CYTH3: variants seen among roughly 807,000 people sequenced by gnomAD.
CYTH3 encodes the protein cytohesin 3, also known as cytohesin-3.
CYTH3 carries 23 observed loss-of-function variants against 55.1 expected under a neutral mutation model. That is an observed-to-expected ratio of 0.42 (90% CI 0.30 to 0.59). CYTH3 has a LOEUF of 0.59. Ranked by LOEUF, CYTH3 falls within the 20% of genes least tolerant of loss-of-function variation. CYTH3 has a pLI of 0.20. For synonymous variants in CYTH3, 249 were observed against 194.9 expected, an observed-to-expected ratio of 1.28 and a Z score of -2.31; for missense variants, 413 against 524.8, an observed-to-expected ratio of 0.79 and a Z score of 2.08.
chr7:6,255,126 C>T (rs899071868), intron 1 of CYTH3, among the ~76,000 whole-genome samples: 2 of 152,120 alleles, frequency 1.3e-5, no homozygotes, highest in African/African-American at 4.8e-5. Flanking sequence ...TAAATAATTT[C>T]ACTTCGGTTT....
rs1169174177 is a variant in CYTH3, at chr7:6,170,452, T to C, written c.823+83A>G. On this transcript the variant is annotated intron_variant, in intron 9 of 12. Coordinates refer to ENST00000350796, the MANE Select transcript of CYTH3 (RefSeq NM_004227.4). This position sits in a 1 kb window ranked among gnomAD's most constrained non-coding sequence, Gnocchi z 7.8. ...CTCTGCCTGCGGTGGGGGGCATTCC[T>C]ACGATGAGCCTGGGAGGAACCCGAG... 15 of 1,303,794 alleles carry C rather than the reference T, an allele frequency of 1.2e-5. No homozygotes were observed. Among genetic ancestry groups the C allele is most frequent in the Non-Finnish European group, 1.6e-5 (15 of 934,026 alleles). The allele number at this position is 1,303,794 out of a possible 1,614,324, so 80.8% of individuals were successfully genotyped here.
At chr7:6,192,232 A>G (rs888389797) in intron 1 of CYTH3, among the ~76,000 whole-genome samples, 7 of 152,200 alleles carry the variant, frequency 4.6e-5, no homozygotes, top group Non-Finnish European at 8.8e-5. Context: ...TGTTTTTTGT[A>G]GAGACAGGAT....
chr7:6,206,512 G>A (rs922237378), intron 1 of CYTH3, among the ~76,000 whole-genome samples: 1 of 152,190 alleles, frequency 6.6e-6, no homozygotes, highest in African/African-American at 2.4e-5. Flanking sequence ...TGTTGCACAT[G>A]GCTATTTCAA....
chr7:6,187,152 T>C (rs896409264), intron 3 of CYTH3, 36 bp from the exon 4 acceptor site: 5 of 1,598,982 alleles, frequency 3.1e-6, no homozygotes, highest in Non-Finnish European at 4.3e-6. Flanking sequence ...TCACTCATGC[T>C]GTTTTCACAA....
At chr7:6,165,667 G>A (rs751897023) in intron 10 of CYTH3, 51 bp from the exon 11 acceptor site, 6 of 1,613,056 alleles carry the variant, frequency 3.7e-6, no homozygotes, top group Admixed American at 3.3e-5. Flanking sequence ...CCAGCCTGAG[G>A]GTCCCTCGGC....
At chr7:6,209,369 A>C (rs1343460876) in intron 1 of CYTH3, among the ~76,000 whole-genome samples, 1 of 152,232 alleles carries the variant, frequency 6.6e-6, no homozygotes, top group Non-Finnish European at 1.5e-5. Context: ...GTCATGAAAA[A>C]CTAGTAATAG....
chr7:6,262,641 C>T (rs1780380224), intron 1 of CYTH3, among the ~76,000 whole-genome samples: 1 of 152,156 alleles, frequency 6.6e-6, no homozygotes, highest in Non-Finnish European at 1.5e-5. Context: ...CACTTGAGGC[C>T]AGTAGTTCAA....
intron 1 of CYTH3, among the ~76,000 whole-genome samples, chr7:6,267,856 G>C (rs2098800): frequency 0.015 from 2,285 of 152,184 alleles, 26 homozygotes; most frequent in Admixed American, 0.054. Flanking sequence ...CCTCAAAAAA[G>C]GTGTAAAATG....
intron 1 of CYTH3, among the ~76,000 whole-genome samples, chr7:6,207,289 C>A (rs1440388138): frequency 6.6e-6 from 1 of 151,750 alleles, no homozygotes; most frequent in African/African-American, 2.4e-5. Context: ...AGAGACAGGG[C>A]TTCACCGTGT....
At chr7:6,211,137 C>T (rs960515185) in intron 1 of CYTH3, among the ~76,000 whole-genome samples, 1 of 152,192 alleles carries the variant, frequency 6.6e-6, no homozygotes, top group Non-Finnish European at 1.5e-5. Flanking sequence ...CCGACCCCAT[C>T]TGCCACTGGG....
rs548187278 is a variant in CYTH3 at position 6,256,583 on chromosome 7, T to G, written c.34+15891A>C. ...CATGCAAAGAGAGAAGCCCCCAGAC[T>G]CCTCTCCTGAGAAGGAAAAAGTGGG... On this transcript the variant is annotated intron_variant, in intron 1 of 12. Coordinates refer to ENST00000350796, the MANE Select transcript of CYTH3 (RefSeq NM_004227.4). Among the ~76,000 whole-genome samples the G allele has an allele frequency of 7.2e-5, 11 of 152,224 alleles. 1 individual carries two copies. The highest frequency in any genetic ancestry group is 2.6e-4 in the African/African-American group (11 of 41,536).
chr7:6,268,018 A>G (rs986290568), intron 1 of CYTH3, among the ~76,000 whole-genome samples: 11 of 152,168 alleles, frequency 7.2e-5, no homozygotes, highest in African/African-American at 2.4e-4. Flanking sequence ...CCATCCACTC[A>G]GTTCCCATCA....
intron 1 of CYTH3, among the ~76,000 whole-genome samples, chr7:6,255,788 G>C (rs1189850392): frequency 7.5e-6 from 1 of 132,492 alleles, no homozygotes; most frequent in Non-Finnish European, 1.6e-5. Flanking sequence ...TTTTGAGATG[G>C]AATCTCCCTC....
intron 1 of CYTH3, among the ~76,000 whole-genome samples, chr7:6,196,072 C>T (rs1783918755): frequency 6.6e-6 from 1 of 152,170 alleles, no homozygotes; most frequent in Non-Finnish European, 1.5e-5. Context: ...CTTCCCCCAG[C>T]AACTGAAACT....
chr7:6,218,090 G>A (rs1784465813), intron 1 of CYTH3, among the ~76,000 whole-genome samples: 1 of 151,976 alleles, frequency 6.6e-6, no homozygotes, highest in African/African-American at 2.4e-5. Context: ...GGCTGAGGTG[G>A]GAGACTTGAG....
At chr7:6,190,418 T>C in intron 2 of CYTH3, 31 bp downstream of exon 2, 1 of 1,439,208 alleles carries the variant, frequency 6.9e-7, no homozygotes. Flanking sequence ...AACAGAGTTT[T>C]GGATTTTTGG....
At chr7:6,201,723 G>A (rs1222342682) in intron 1 of CYTH3, among the ~76,000 whole-genome samples, 1 of 152,142 alleles carries the variant, frequency 6.6e-6, no homozygotes, top group Non-Finnish European at 1.5e-5. Flanking sequence ...AAGAAGGGAA[G>A]TAATTTGCTC....
At chr7:6,262,389 T>C (rs145888381) in intron 1 of CYTH3, among the ~76,000 whole-genome samples, 6 of 152,254 alleles carry the variant, frequency 3.9e-5, no homozygotes, top group East Asian at 1.9e-4. Context: ...CAGGATACAC[T>C]TGAGGAAAAC....
At chr7:6,199,134 G>C (rs758948987) in intron 1 of CYTH3, among the ~76,000 whole-genome samples, 5 of 152,208 alleles carry the variant, frequency 3.3e-5, no homozygotes, top group Non-Finnish European at 7.3e-5. Context: ...CTTTACATAA[G>C]AATCAGGAGC....
Sources: allele counts gnomAD v4.1 joint callset (sites outside exome capture counted in the v4.1 genomes callset), GRCh38; gene constraint gnomAD v4.1.1; non-coding constraint Gnocchi (gnomAD v3.1); transcripts MANE v1.5; gene names NCBI Gene and HGNC (gene_info 2026-07-23, HGNC 2026-07-21).